SEMA3D: variants seen among roughly 807,000 people sequenced by gnomAD.
SEMA3D encodes semaphorin-3D.
A neutral mutation model predicts 100.1 loss-of-function variants in SEMA3D; 84 were observed. The ratio of observed to expected loss-of-function variants is 0.84; its 90% confidence interval spans 0.70 to 1.01. SEMA3D has a LOEUF of 1.01. Among genes scored for constraint, SEMA3D ranks in the 50% least tolerant of loss-of-function variants. SEMA3D has a pLI of 0.00. For synonymous variants in SEMA3D, 312 were observed against 320.7 expected, an observed-to-expected ratio of 0.97 and a Z score of 0.29; for missense variants, 875 against 934.1, an observed-to-expected ratio of 0.94 and a Z score of 0.82.
chr7:85,169,003 C>T (rs1791010900), intron 1 of SEMA3D, among the ~76,000 whole-genome samples: 1 of 151,194 alleles, frequency 6.6e-6, no homozygotes, highest in Non-Finnish European at 1.5e-5. Context: ...TCTCAGTTTG[C>T]TTTTTTATTC....
At chr7:85,212,792 T>C in the SEMA3D span, among the ~76,000 whole-genome samples, 55 of 152,148 alleles carry the variant, frequency 3.6e-4, 1 homozygote, top group African/African-American at 1.3e-3. Flanking sequence ...CTATTTACTC[T>C]TTATTTTTAG....
At chr7:85,115,100 A>G (rs1235622572) in intron 3 of SEMA3D, among the ~76,000 whole-genome samples, 1 of 152,254 alleles carries the variant, frequency 6.6e-6, no homozygotes, top group Non-Finnish European at 1.5e-5. Flanking sequence ...TGAAAATCAC[A>G]TAATCAGTTT....
intron 9 of SEMA3D, among the ~76,000 whole-genome samples, chr7:85,052,380 C>T (rs1791191058): frequency 6.6e-6 from 1 of 151,922 alleles, no homozygotes; most frequent in Non-Finnish European, 1.5e-5. Flanking sequence ...ACTCTAATCT[C>T]AAAAGTCATT....
intron 1 of SEMA3D, among the ~76,000 whole-genome samples, chr7:85,171,335 T>C (rs190542804): frequency 3.3e-4 from 50 of 151,932 alleles, no homozygotes; most frequent in South Asian, 6.2e-4. Context: ...ACAAAGTCTA[T>C]AGAGAGAAAA....
At chr7:85,085,921 T>C (rs1788199804) in intron 4 of SEMA3D, among the ~76,000 whole-genome samples, 1 of 152,216 alleles carries the variant, frequency 6.6e-6, no homozygotes, top group African/African-American at 2.4e-5. Flanking sequence ...AGTCACATAA[T>C]TGTAATTTGA....
At chr7:85,045,024 T>C (rs984796296) in intron 9 of SEMA3D, among the ~76,000 whole-genome samples, 1 of 152,038 alleles carries the variant, frequency 6.6e-6, no homozygotes, top group African/African-American at 2.4e-5. Context: ...CAGAATGGTA[T>C]AGACTAAGGG....
intron 9 of SEMA3D, among the ~76,000 whole-genome samples, chr7:85,053,902 C>T (rs893611852): frequency 6.6e-6 from 1 of 151,592 alleles, no homozygotes; most frequent in Non-Finnish European, 1.5e-5. Flanking sequence ...CAGAATCTTG[C>T]TGTGTGGCCT....
At chr7:85,028,030 T>G in intron 12 of SEMA3D, 1 of 583,930 alleles carries the variant, frequency 1.7e-6, no homozygotes, top group Non-Finnish European at 3.2e-6. Context: ...AGCATGGCTT[T>G]TGATGCCAAA....
At chr7:85,143,663 A>G (rs1790118314) in intron 2 of SEMA3D, among the ~76,000 whole-genome samples, 1 of 152,132 alleles carries the variant, frequency 6.6e-6, no homozygotes, top group African/African-American at 2.4e-5. Flanking sequence ...ATATATAGTA[A>G]TATAATCCAG....
At chr7:85,142,408 A>G in intron 2 of SEMA3D, 1 of 910,470 alleles carries the variant, frequency 1.1e-6, no homozygotes, top group South Asian at 5.1e-5. Context: ...TTAAAACTCA[A>G]TAATAAAATC....
the SEMA3D span, among the ~76,000 whole-genome samples, chr7:85,216,813 A>G: frequency 6.6e-6 from 1 of 152,068 alleles, no homozygotes; most frequent in South Asian, 2.1e-4. Flanking sequence ...ATTTTTTCTC[A>G]TTCTAAATAA....
At chr7:85,175,796 T>A (rs575361446) in intron 1 of SEMA3D, among the ~76,000 whole-genome samples, 4 of 151,978 alleles carry the variant, frequency 2.6e-5, no homozygotes, top group Non-Finnish European at 5.9e-5. Flanking sequence ...TCGGTTATGA[T>A]GGGGAACTAT....
chr7:85,090,161 C>T (rs1478384853), intron 4 of SEMA3D, among the ~76,000 whole-genome samples: 1 of 152,086 alleles, frequency 6.6e-6, no homozygotes, highest in African/African-American at 2.4e-5. Context: ...CCTTTAGCAC[C>T]TGGCACAGAA....
chr7:85,117,912 T>C (rs1036371945), intron 3 of SEMA3D, among the ~76,000 whole-genome samples: 4 of 151,224 alleles, frequency 2.6e-5, no homozygotes, highest in South Asian at 4.2e-4. Flanking sequence ...TATAAATATA[T>C]AGATATCTTT....
the SEMA3D span, among the ~76,000 whole-genome samples, chr7:85,204,502 C>T: frequency 1.4e-4 from 22 of 152,196 alleles, no homozygotes; most frequent in South Asian, 2.7e-3. Flanking sequence ...TCAGCTTAAA[C>T]TTAAGTACTA....
chr7:85,066,109 A>G (rs1341979736), intron 7 of SEMA3D, among the ~76,000 whole-genome samples: 2 of 152,168 alleles, frequency 1.3e-5, no homozygotes, highest in South Asian at 2.1e-4. Context: ...GTTCTGATAA[A>G]CAGGAATTCT....
At chr7:85,019,717 A>G (rs968266133) in intron 14 of SEMA3D, among the ~76,000 whole-genome samples, 1 of 151,694 alleles carries the variant, frequency 6.6e-6, no homozygotes, top group Non-Finnish European at 1.5e-5. Context: ...ACATTCTCCA[A>G]ATCTGGAGAA....
intron 1 of SEMA3D, among the ~76,000 whole-genome samples, chr7:85,175,914 T>C (rs1399959532): frequency 1.3e-5 from 2 of 152,062 alleles, no homozygotes; most frequent in African/African-American, 4.8e-5. Flanking sequence ...TGCAAAAATA[T>C]ATAAAGAATT....
At chr7:85,040,580 C>T (rs1303760210) in intron 11 of SEMA3D, 93 bp downstream of exon 11, 1 of 698,314 alleles carries the variant, frequency 1.4e-6, no homozygotes, top group Non-Finnish European at 2.5e-6. Context: ...CGATATGCTA[C>T]TACAAACGCA....
Sources: gnomAD v4.1 joint callset for allele counts (sites outside exome capture counted in the v4.1 genomes callset) on GRCh38, gnomAD v4.1.1 for gene constraint, MANE v1.5 for transcripts, NCBI Gene and HGNC (gene_info 2026-07-23, HGNC 2026-07-21) for gene names.